The following ZFC3H1 variants were observed in gnomAD, a reference collection of about 807,000 sequenced individuals.
The protein encoded by ZFC3H1 is zinc finger C3H1-type containing.
A neutral mutation model predicts 243.7 loss-of-function variants in ZFC3H1; 71 were observed. The observed-to-expected ratio is 0.29, with a 90% confidence interval of 0.24 to 0.36. The LOEUF (loss-of-function observed/expected upper bound fraction) is 0.36, where lower values mean the gene tolerates loss of function less well. Among genes scored for constraint, ZFC3H1 ranks in the 10% least tolerant of loss-of-function variants. The pLI, the probability that ZFC3H1 is intolerant of heterozygous loss-of-function variation, is 1.00. For missense variants in ZFC3H1, 1,966 were observed against 2,317.1 expected, an observed-to-expected ratio of 0.85 and a Z score of 3.11; for synonymous variants, 838 against 813.0, an observed-to-expected ratio of 1.03 and a Z score of -0.52.
At position 71,663,078 on chromosome 12, in the gene ZFC3H1, C is replaced by T. The variant is rs369105383; in HGVS notation, c.533G>A (p.Gly178Glu). ...GCTGCTGAACCCGGATCCTGCTCCT[C>T]CTCCCAGAGGAGGTCTGCACCCCGG... The part of the protein sequence containing the change: ...GKPGCRPPLG[G>E]GAGSGFSSSQ... Residue 178 changes from glycine to glutamate, a missense_variant, in exon 1 of 35, where the codon GGA (glycine) becomes GAA (glutamate). Gly to Glu is a moderately conservative substitution (Grantham distance 98). This residue lies in a region of ZFC3H1 where 484 missense variants were observed against 449.7 expected (regional missense o/e 1.08). Coordinates refer to ENST00000378743, the MANE Select transcript of ZFC3H1 (RefSeq NM_144982.5). 3 of 1,613,924 alleles carry T rather than the reference C, an allele frequency of 1.9e-6. No homozygotes were observed. Among genetic ancestry groups the T allele is most frequent in the Non-Finnish European group, 2.5e-6 (3 of 1,179,954 alleles).
chr12:71,657,398 T>A, intron 1 of ZFC3H1, 97 bp from the exon 2 acceptor site: 5 of 936,910 alleles, frequency 5.3e-6, no homozygotes, highest in Non-Finnish European at 7.6e-6. Flanking sequence ...CCCTTTTTAA[T>A]TTTTCAAGAA....
chr12:71,661,272 C>T (rs1881167270), intron 1 of ZFC3H1, among the ~76,000 whole-genome samples: 1 of 151,588 alleles, frequency 6.6e-6, no homozygotes, highest in South Asian at 2.1e-4. Flanking sequence ...TGCACTCCAG[C>T]CTGGGCGACA....
intron 27 of ZFC3H1, among the ~76,000 whole-genome samples, chr12:71,618,198 G>A (rs1467428928): frequency 1.3e-5 from 2 of 151,824 alleles, no homozygotes; most frequent in Non-Finnish European, 2.9e-5. Context: ...CTGGGAGACG[G>A]AGGTTGCAAT....
intron 1 of ZFC3H1, among the ~76,000 whole-genome samples, chr12:71,660,623 C>CGCAGAAAGAGGACAAAA (rs1881142985): frequency 6.6e-6 from 1 of 151,586 alleles, no homozygotes; most frequent in Non-Finnish European, 1.5e-5. Flanking sequence ...TGAATAAACA[C>CGCAGAAAGAGGACAAAA]GCAGAAAGAG....
In ZFC3H1 at chr12:71,634,214, G is replaced by A. The variant is rs1268525022; in HGVS notation, c.2451C>T (p.Gly817=). ...ANSDVEIDGI[G]RIAMVTKQVT... ...CCTGCTTAGTAACCATTGCTATCCT[G>A]CCAATACCATCAATTTCCACATCAG... Residue 817 remains glycine (G), a synonymous_variant, in exon 12 of 35, where the codon GGC becomes GGT. Transcript: ENST00000378743. 1 of 1,613,808 alleles carries A rather than the reference G, an allele frequency of 6.2e-7. No individual in the cohort carries two copies. Among genetic ancestry groups the A allele is most frequent in the Admixed American group, 1.7e-5 (1 of 59,982 alleles).
intron 1 of ZFC3H1, 158 bp downstream of exon 1, chr12:71,662,855 C>T: frequency 1.3e-6 from 1 of 766,392 alleles, no homozygotes; most frequent in Non-Finnish European, 2.1e-6. Context: ...TATAGTGTGA[C>T]ACATGGGGAA....
chr12:71,624,141 A>G lies in ZFC3H1; in HGVS notation c.4469T>C (p.Phe1490Ser), dbSNP rs1377871207. ...CAGTGCACTTTGGCATCTTCCAGTAAATATGTGCAGCTGAACTCTAAACAA... is the reference window on the plus strand; with the variant it reads ...CAGTGCACTTTGGCATCTTCCAGTAGATATGTGCAGCTGAACTCTAAACAA... The part of the protein sequence containing the change: ...ALLFRVQLHI[F>S]TGRCQSALAI... Residue 1490 changes from phenylalanine (F) to serine (S), a missense_variant, in exon 23 of 35, where the codon TTT becomes TCT. Phe to Ser is a radical substitution (Grantham distance 155, BLOSUM62 -2). Transcript: ENST00000378743. 1.2e-6 allele frequency: 2 copies of G among 1,613,282 alleles called. No individual in the cohort carries two copies. The highest frequency in any genetic ancestry group is 1.7e-6 in the Non-Finnish European group (2 of 1,179,766).
rs879249687 is a variant in ZFC3H1 at position 71,615,316 on chromosome 12, C to T, written c.5145G>A (p.Arg1715=). ...TTGGTCCTGGAATATTTAAGAGATA[C>T]CTGAAAAAAAAAATCCAAATATTGT... The part of the protein sequence containing the change: ...FEKYNNLDLF[R]YLLNIPGPID... The change falls in exon 28 of 35, where the codon CGG becomes CGA. Residue 1715 remains arginine (R), a splice_region_variant and synonymous_variant. Coordinates refer to ENST00000378743, the MANE Select transcript of ZFC3H1 (RefSeq NM_144982.5). The T allele has an allele frequency of 6.3e-7, 1 of 1,580,594 alleles. No homozygotes were observed. Among genetic ancestry groups the T allele is most frequent in the African/African-American group, 1.4e-5 (1 of 73,250 alleles).
intron 30 of ZFC3H1, 117 bp from the exon 31 acceptor site, chr12:71,613,552 T>C: frequency 1.7e-6 from 1 of 592,324 alleles, no homozygotes. Flanking sequence ...TAAATTATAA[T>C]AATGTATGAT....
At chr12:71,660,251 T>G (rs1271111969) in intron 1 of ZFC3H1, 1 of 152,172 alleles carries the variant, frequency 6.6e-6, no homozygotes, top group Non-Finnish European at 1.5e-5. Context: ...TTAAATAAAT[T>G]TGAATGAAGT....
At chr12:71,611,187 A>T in intron 32 of ZFC3H1, 90 bp from the exon 33 acceptor site, 5 of 1,294,642 alleles carry the variant, frequency 3.9e-6, no homozygotes, top group Non-Finnish European at 5.1e-6. Context: ...CCACTGGCAG[A>T]ATACTGACTG....
Position 71,663,388 on chromosome 12 carries a change from A to T in ZFC3H1, c.223T>A (p.Ser75Thr), listed in dbSNP as rs1315496995. The change falls in exon 1 of 35, where the codon TCA becomes ACA. Residue 75 changes from serine to threonine, a missense_variant. Around this residue, in one of 4 missense-constraint regions of ZFC3H1, gnomAD observed 484 missense variants for 449.7 expected, o/e 1.08. Coordinates refer to ENST00000378743, the MANE Select transcript of ZFC3H1 (RefSeq NM_144982.5). ...GSGGGGGSSS[S>T]SSSSQQQLRN... The stretch of plus-strand genomic sequence containing the variant: ...AGCTGCTGCTGAGAAGAGGACGATG[A>T]CGAGGAAGAGCCACCGCCTCCGCCA... 1.9e-6 allele frequency: 3 copies of T among 1,612,178 alleles called. No homozygotes were observed. The highest frequency in any genetic ancestry group is 2.5e-6 in the Non-Finnish European group (3 of 1,180,018).
Position 71,662,997 on chromosome 12 carries a change from G to A in ZFC3H1, c.598+16C>T, listed in dbSNP as rs1881227626. 1 of 1,572,938 alleles carries A rather than the reference G, an allele frequency of 6.4e-7. No homozygotes were observed. The highest frequency in any genetic ancestry group is 8.6e-7 in the Non-Finnish European group (1 of 1,160,192). On this transcript the variant is annotated intron_variant, in intron 1 of 34. Transcript: ENST00000378743. ...TTTAGTGACACACCCAGCGCCGACCGCCACGTTAAGGATACAGCTCTTCCG... is the reference window on the plus strand; with the variant it reads ...TTTAGTGACACACCCAGCGCCGACCACCACGTTAAGGATACAGCTCTTCCG...
intron 5 of ZFC3H1, among the ~76,000 whole-genome samples, 172 bp downstream of exon 5, chr12:71,643,918 CTTCAT>C (rs1203201146): frequency 1.3e-5 from 2 of 152,262 alleles, no homozygotes; most frequent in East Asian, 1.9e-4. Flanking sequence ...TAATTTTAGC[CTTCAT>C]TTCTTCTTCC....
Position 71,632,337 on chromosome 12 carries a change from G to A in ZFC3H1, c.2995C>T (p.Pro999Ser), listed in dbSNP as rs774363971. The change falls in exon 15 of 35, where the codon CCA (proline) becomes TCA (serine). Residue 999 changes from proline (P) to serine (S), a missense_variant. This residue lies in a region of ZFC3H1 where 1,383 missense variants were observed against 1,723.7 expected (regional missense o/e 0.80). Coordinates refer to ENST00000378743, the MANE Select transcript of ZFC3H1 (RefSeq NM_144982.5). The stretch of plus-strand genomic sequence containing the variant: ...AATTCGGGTTCCTCTTCCACAACTG[G>A]AGAGATATTTTGTTGTTCCTTTGCT... ...LKAKEQQNISPVVEEEPEFSL... is the reference protein window; with the variant it reads ...LKAKEQQNISSVVEEEPEFSL... The A allele has an allele frequency of 8.1e-6, 13 of 1,613,826 alleles. No individual in the cohort carries two copies. The highest frequency in any genetic ancestry group is 1.0e-5 in the Non-Finnish European group (12 of 1,179,858).
Position 71,636,628 on chromosome 12 carries a change from A to G in ZFC3H1, c.1962T>C (p.Pro654=). The G allele has an allele frequency of 6.2e-7, 1 of 1,612,462 alleles. No individual in the cohort carries two copies. The highest frequency in any genetic ancestry group is 8.5e-7 in the Non-Finnish European group (1 of 1,179,526). Residue 654 remains proline, a synonymous_variant, in exon 9 of 35, where the codon CCT becomes CCC. Transcript: ENST00000378743. Reference sequence around the variant, plus strand: ...GTGAATTGTTCAGAACTGGAGGTGAAGGTGGGTCACTATTACTGGATGTTT... The same window carrying G: ...GTGAATTGTTCAGAACTGGAGGTGAGGGTGGGTCACTATTACTGGATGTTT... The part of the protein sequence containing the change: ...PEETSSNSDP[P]SPPVLNNSHP...
chr12:71,619,471 G>C (rs1187979708), intron 26 of ZFC3H1, 62 bp from the exon 27 acceptor site: 58 of 1,496,174 alleles, frequency 3.9e-5, no homozygotes, highest in Non-Finnish European at 5.2e-5. Flanking sequence ...AAAATGTCAC[G>C]AGGGAGAAAA....
Position 71,644,959 on chromosome 12 carries a change from T to C in ZFC3H1, c.1197A>G (p.Glu399=). The change falls in exon 4 of 35, where the codon GAA becomes GAG. Residue 399 remains glutamate, a synonymous_variant. Coordinates refer to ENST00000378743, the MANE Select transcript of ZFC3H1 (RefSeq NM_144982.5). ...GTACAGTTTTCGTCTTAGTCAACTT[T>C]TCTTTGCTTTCTTTCATCACCTGCT... is the stretch of plus-strand genomic sequence containing the variant. ...KEQQVMKESK[E]KLTKTKTVQQ... 6.8e-6 allele frequency: 11 copies of C among 1,613,364 alleles called. No individual in the cohort carries two copies. The highest frequency in any genetic ancestry group is 9.3e-6 in the Non-Finnish European group (11 of 1,180,024).
Position 71,624,284 on chromosome 12 carries a change from G to C in ZFC3H1, c.4326C>G (p.His1442Gln), listed in dbSNP as rs767804220. The change falls in exon 23 of 35, where the codon CAC (histidine) becomes CAG (glutamine). Residue 1442 changes from histidine (H) to glutamine (Q), a missense_variant. By Grantham distance (24) the His-to-Gln change is conservative. Around this residue, in one of 4 missense-constraint regions of ZFC3H1, gnomAD observed 1,383 missense variants for 1,723.7 expected, o/e 0.80. Coordinates refer to ENST00000378743, the MANE Select transcript of ZFC3H1 (RefSeq NM_144982.5). ...PDYQSFWTFL[H>Q]LESTFEEKDY... ...CCTTTTCTTCAAAGGTACTTTCTAG[G>C]TGTAGAAACTGCCCAAAGGGCCTTT... 3.7e-6 allele frequency: 6 copies of C among 1,607,636 alleles called. No individual in the cohort carries two copies. The highest frequency in any genetic ancestry group is 4.2e-6 in the Non-Finnish European group (5 of 1,177,200).
Sources: gnomAD v4.1 joint callset for allele counts (sites outside exome capture counted in the v4.1 genomes callset) on GRCh38, gnomAD v4.1.1 for gene constraint, gnomAD v4.1.1 regional missense constraint, MANE v1.5 for transcripts, NCBI Gene and HGNC (gene_info 2026-07-23, HGNC 2026-07-21) for gene names.